SPICE1: variants seen among roughly 807,000 people sequenced by gnomAD.
SPICE1 encodes the protein spindle and centriole-associated protein 1.
Under a neutral mutation model 102.7 loss-of-function variants are expected in SPICE1, and 75 were observed. That is an observed-to-expected ratio of 0.73 (90% CI 0.61 to 0.88). SPICE1 has a LOEUF of 0.88. SPICE1 is among the 40% of genes least tolerant of loss of function. The probability of loss-of-function intolerance (pLI) is 0.00; values close to 1 mark genes in which losing one functional copy is unlikely to be tolerated. For synonymous variants in SPICE1, 308 were observed against 350.3 expected, an observed-to-expected ratio of 0.88 and a Z score of 1.35; for missense variants, 979 against 1,020.1, an observed-to-expected ratio of 0.96 and a Z score of 0.55.
intron 7 of SPICE1, among the ~76,000 whole-genome samples, chr3:113,487,157 CA>C (rs913351306): frequency 6.6e-6 from 1 of 152,024 alleles, no homozygotes; most frequent in African/African-American, 2.4e-5. Context: ...CTCTACTTAG[CA>C]GGTTTATTTT....
rs1936821150 is a variant in SPICE1 at position 113,494,073 on chromosome 3, C to G, written c.361G>C (p.Glu121Gln). The G allele has an allele frequency of 6.2e-7, 1 of 1,612,310 alleles. No homozygotes were observed. The highest frequency in any genetic ancestry group is 1.6e-4 in the Middle Eastern group (1 of 6,062). The part of the protein sequence containing the change: ...KSDHLIAAAK[E>Q]LFPRRRTGFP... Reference sequence around the variant, plus strand: ...CCTGTGCGCCTACGAGGAAACAGCTCTTTTGCTGCAGCTATTAGATGATCA... The same window carrying G: ...CCTGTGCGCCTACGAGGAAACAGCTGTTTTGCTGCAGCTATTAGATGATCA... Residue 121 changes from glutamate to glutamine, a missense_variant, in exon 5 of 18, where the codon GAG becomes CAG. Coordinates refer to ENST00000295872, the MANE Select transcript of SPICE1 (RefSeq NM_144718.4).
intron 7 of SPICE1, among the ~76,000 whole-genome samples, chr3:113,483,583 T>G (rs1936572473): frequency 6.6e-6 from 1 of 152,204 alleles, no homozygotes; most frequent in South Asian, 2.1e-4. Context: ...ATTTTTAGCA[T>G]GAAGGGGTGT....
In SPICE1 at chr3:113,448,033, C is replaced by G; in HGVS notation, c.2426+5G>C. 2 of 1,588,988 alleles carry G rather than the reference C, an allele frequency of 1.3e-6. No individual in the cohort carries two copies. Among genetic ancestry groups the G allele is most frequent in the Non-Finnish European group, 1.7e-6 (2 of 1,171,290 alleles). The stretch of plus-strand genomic sequence containing the variant: ...TTTTAAATAAATATTCACACTGCAA[C>G]TTACCTTCTTGTATTTATCCCGCTG... On this transcript the variant is annotated splice_donor_5th_base_variant and intron_variant, in intron 16 of 17. Transcript: ENST00000295872.
chr3:113,452,648 C>A (rs929158146), intron 14 of SPICE1, among the ~76,000 whole-genome samples: 1 of 150,858 alleles, frequency 6.6e-6, no homozygotes, highest in East Asian at 2.0e-4. Context: ...TGCGTCACTG[C>A]GCTCCAGCCT....
At chr3:113,471,832 G>GC (rs1936206382) in intron 7 of SPICE1, among the ~76,000 whole-genome samples, 1 of 152,266 alleles carries the variant, frequency 6.6e-6, no homozygotes, top group South Asian at 2.1e-4. Flanking sequence ...AATAGGAACA[G>GC]CTCCGGTCTA....
At chr3:113,482,106 C>G (rs1231486315) in intron 7 of SPICE1, among the ~76,000 whole-genome samples, 1 of 152,234 alleles carries the variant, frequency 6.6e-6, no homozygotes, top group Non-Finnish European at 1.5e-5. Flanking sequence ...GATCGCCATT[C>G]TAACTGGCGT....
chr3:113,503,765 T>C (rs569719415), intron 2 of SPICE1, among the ~76,000 whole-genome samples: 1 of 151,904 alleles, frequency 6.6e-6, no homozygotes, highest in African/African-American at 2.4e-5. Flanking sequence ...AAACTCCATC[T>C]CTACTAAAAA....
chr3:113,445,465 G>T, intron 17 of SPICE1, 105 bp from the exon 18 acceptor site: 1 of 890,598 alleles, frequency 1.1e-6, no homozygotes, highest in Admixed American at 2.0e-5. Context: ...AAGTCATCCT[G>T]TGCCATTGAA....
rs1935709465 is a variant in SPICE1 at position 113,453,590 on chromosome 3, G to A, written c.2018C>T (p.Ala673Val). 3 of 1,614,082 alleles carry A rather than the reference G, an allele frequency of 1.9e-6. No homozygotes were observed. Among genetic ancestry groups the A allele is most frequent in the Middle Eastern group, 1.6e-4 (1 of 6,062 alleles). ...AGCTGAATTCTGCAATGTCAAATCA[G>A]CAATTCGTGTCATTATGTCCTTTCT... is the stretch of plus-strand genomic sequence containing the variant. ...IQRKDIMTRIADLTLQNSAIK... is the reference protein window; with the variant it reads ...IQRKDIMTRIVDLTLQNSAIK... Residue 673 changes from alanine to valine, a missense_variant, in exon 14 of 18, where the codon GCT (alanine) becomes GTT (valine). Coordinates refer to ENST00000295872, the MANE Select transcript of SPICE1 (RefSeq NM_144718.4).
chr3:113,460,863 A>AT, intron 11 of SPICE1, 99 bp from the exon 12 acceptor site: 1 of 973,684 alleles, frequency 1.0e-6, no homozygotes. Context: ...GTTTAATATC[A>AT]TATCAATACA....
chr3:113,446,568 C>A (rs778467136), intron 17 of SPICE1, 21 bp downstream of exon 17: 1 of 1,593,796 alleles, frequency 6.3e-7, no homozygotes, highest in Non-Finnish European at 8.6e-7. Context: ...ATGCATTTCA[C>A]AATTACATTT....
chr3:113,468,389 T>C lies in SPICE1; in HGVS notation c.905A>G (p.Asn302Ser). Residue 302 changes from asparagine (N) to serine (S), a missense_variant, in exon 10 of 18, where the codon AAT becomes AGT. Coordinates refer to ENST00000295872, the MANE Select transcript of SPICE1 (RefSeq NM_144718.4). Reference sequence around the variant, plus strand: ...CTTCGGCTTGGAAAGAGCATGCAAATTCGGTTTCCTTTTCACTGATAATGA... The same window carrying C: ...CTTCGGCTTGGAAAGAGCATGCAAACTCGGTTTCCTTTTCACTGATAATGA... ...QLLNKVKRKP[N>S]LHALSKPKKN... 1 of 1,613,220 alleles carries C rather than the reference T, an allele frequency of 6.2e-7. No individual in the cohort carries two copies. Among genetic ancestry groups the C allele is most frequent in the Non-Finnish European group, 8.5e-7 (1 of 1,179,204 alleles).
At chr3:113,453,320 A>G in intron 14 of SPICE1, 146 bp downstream of exon 14, 1 of 841,156 alleles carries the variant, frequency 1.2e-6, no homozygotes, top group Non-Finnish European at 1.8e-6. Context: ...ACTTGGACCT[A>G]TTGTATTGAG....
intron 7 of SPICE1, 127 bp downstream of exon 7, chr3:113,488,818 A>G (rs1013320264): frequency 6.6e-6 from 4 of 608,684 alleles, no homozygotes; most frequent in East Asian, 5.6e-5. Context: ...ATTTGGAAAT[A>G]CCAAAATAAA....
At chr3:113,477,947 TAAAATA>T (rs1196026363) in intron 7 of SPICE1, among the ~76,000 whole-genome samples, 1 of 146,138 alleles carries the variant, frequency 6.8e-6, no homozygotes. Context: ...AATAATAAAA[TAAAATA>T]AAAAGAATCT....
rs148772261 is a variant in SPICE1 at position 113,443,041 on chromosome 3, A to G, written c.*2266T>C. On this transcript the variant is annotated 3_prime_UTR_variant, in exon 18 of 18. Coordinates refer to ENST00000295872, the MANE Select transcript of SPICE1 (RefSeq NM_144718.4). ...CAATTGTTAATCTGAGAAAGATACA[A>G]TAAATTCACTATACAATGTCTTAAA... The G allele has an allele frequency of 2.0e-5, 3 of 152,354 alleles. No individual in the cohort carries two copies. In the East Asian group the frequency reaches 5.8e-4, roughly 29 times the overall value. The allele number at this position is 152,354 out of a possible 1,614,324, so 9.4% of individuals were successfully genotyped here.
At chr3:113,484,195 G>A (rs1936588962) in intron 7 of SPICE1, among the ~76,000 whole-genome samples, 1 of 152,036 alleles carries the variant, frequency 6.6e-6, no homozygotes, top group Admixed American at 6.6e-5. Flanking sequence ...GTATTCTGAT[G>A]GTAGTTTGTA....
Position 113,445,797 on chromosome 3 carries a change from C to T in SPICE1, c.2515-437G>A, listed in dbSNP as rs1309318697. Among the ~76,000 whole-genome samples the T allele has an allele frequency of 2.0e-5, 3 of 151,980 alleles. No homozygotes were observed. The East Asian group carries it at 5.8e-4, about 29-fold the overall frequency. On this transcript the variant is annotated intron_variant, in intron 17 of 17. Transcript: ENST00000295872. ...TGGACAATTCGGGTATCTATCATTC[C>T]CCTATCATTTAATATCTTTCCCCTA...
At position 113,500,340 on chromosome 3, in the gene SPICE1, A is replaced by G. The variant is rs576440977; in HGVS notation, c.148-758T>C. On this transcript the variant is annotated intron_variant, in intron 3 of 17. Transcript: ENST00000295872. ...TGAGTTTTCACCATGTAAATAAAAAATCAATCCATTAAAGAGACAATAACA... is the reference window on the plus strand; with the variant it reads ...TGAGTTTTCACCATGTAAATAAAAAGTCAATCCATTAAAGAGACAATAACA... 1.4e-4 allele frequency among the ~76,000 whole-genome samples: 21 copies of G among 152,332 alleles called. No individual in the cohort carries two copies. The South Asian group carries it at 3.9e-3, about 29-fold the overall frequency.
Sources: allele counts gnomAD v4.1 joint callset (sites outside exome capture counted in the v4.1 genomes callset), GRCh38; gene constraint gnomAD v4.1.1; transcripts MANE v1.5; gene names NCBI Gene and HGNC (gene_info 2026-07-23, HGNC 2026-07-21).